The following KCTD8 variants were observed in gnomAD, a reference collection of about 807,000 sequenced individuals.
KCTD8 encodes the protein potassium channel tetramerization domain containing 8, also known as BTB/POZ domain-containing protein KCTD8.
KCTD8 carries 27 observed loss-of-function variants against 31.5 expected under a neutral mutation model. The observed-to-expected ratio is 0.86, with a 90% CI of 0.63 to 1.18. The LOEUF (loss-of-function observed/expected upper bound fraction) is 1.18. KCTD8 is among the 50% of genes most tolerant of loss of function. KCTD8 has a pLI of 0.00. For missense variants in KCTD8, 658 were observed against 647.7 expected (o/e 1.02, Z -0.17); for synonymous variants, 290 against 280.0 (o/e 1.04, Z -0.36).
chr4:44,408,738 C>T (rs1720874017), intron 1 of KCTD8, among the ~76,000 whole-genome samples: 1 of 152,058 alleles, frequency 6.6e-6, no homozygotes, highest in African/African-American at 2.4e-5. Context: ...TCTGCCTCAG[C>T]CTCCCAAGTA....
At chr4:44,269,059 C>T (rs1054797790) in intron 1 of KCTD8, among the ~76,000 whole-genome samples, 14 of 151,994 alleles carry the variant, frequency 9.2e-5, no homozygotes, top group African/African-American at 2.7e-4. Flanking sequence ...TCATATGGAA[C>T]CAAAAAAGAG....
chr4:44,262,490 A>G (rs1210041012), intron 1 of KCTD8, among the ~76,000 whole-genome samples: 1 of 152,116 alleles, frequency 6.6e-6, no homozygotes, highest in Non-Finnish European at 1.5e-5. Context: ...TACTTAAGAT[A>G]GAATATATTC....
chr4:44,290,280 T>C (rs1717231048), intron 1 of KCTD8, among the ~76,000 whole-genome samples: 1 of 152,194 alleles, frequency 6.6e-6, no homozygotes, highest in African/African-American at 2.4e-5. Context: ...CCTGATTATG[T>C]ATGCACCCAA....
At chr4:44,413,754 A>T (rs2109465617) in intron 1 of KCTD8, among the ~76,000 whole-genome samples, 1 of 152,180 alleles carries the variant, frequency 6.6e-6, no homozygotes, top group South Asian at 2.1e-4. Flanking sequence ...GGATTCTGTG[A>T]CTATGTACAA....
chr4:44,254,165 G>A (rs909343395), intron 1 of KCTD8, among the ~76,000 whole-genome samples: 3 of 151,880 alleles, frequency 2.0e-5, no homozygotes, highest in Non-Finnish European at 4.4e-5. Flanking sequence ...GTACAAGAAT[G>A]TGTTCAGAGA....
chr4:44,426,063 A>G (rs763235710), intron 1 of KCTD8, among the ~76,000 whole-genome samples: 9 of 150,812 alleles, frequency 6.0e-5, no homozygotes, highest in Non-Finnish European at 1.2e-4. Context: ...CTACTAGATA[A>G]TGTATACTAA....
At chr4:44,269,607 T>C (rs931846514) in intron 1 of KCTD8, among the ~76,000 whole-genome samples, 4 of 152,022 alleles carry the variant, frequency 2.6e-5, no homozygotes, top group African/African-American at 9.7e-5. Context: ...ACAGGTAACC[T>C]ACAAAATGGG....
In KCTD8 at chr4:44,195,848, T is replaced by C. The variant is rs541476113; in HGVS notation, c.962-20598A>G. ...GTCTTGTTGAAAAGGAGAATATAGATGCTGGTTAATTCTATTGGAAAATAT... is the reference window on the plus strand; with the variant it reads ...GTCTTGTTGAAAAGGAGAATATAGACGCTGGTTAATTCTATTGGAAAATAT... On this transcript the variant is annotated intron_variant, in intron 1 of 1. Coordinates refer to ENST00000360029, the MANE Select transcript of KCTD8 (RefSeq NM_198353.3). Among the ~76,000 whole-genome samples, 6 of 152,276 alleles carry C rather than the reference T, an allele frequency of 3.9e-5. No homozygotes were observed. The East Asian group carries it at 9.7e-4, about 25-fold the overall frequency.
chr4:44,397,209 T>C (rs1421921037), intron 1 of KCTD8, among the ~76,000 whole-genome samples: 3 of 152,124 alleles, frequency 2.0e-5, no homozygotes, highest in African/African-American at 7.2e-5. Context: ...TCTATAAAAA[T>C]GAAAAATACA....
At chr4:44,343,566 G>T (rs1337990234) in intron 1 of KCTD8, among the ~76,000 whole-genome samples, 3 of 152,038 alleles carry the variant, frequency 2.0e-5, no homozygotes, top group Non-Finnish European at 4.4e-5. Flanking sequence ...TCAACACAGG[G>T]TTACCAAAAT....
At position 44,336,808 on chromosome 4, in the gene KCTD8, TAGAG is replaced by T. The variant is rs1436633129; in HGVS notation, c.961+110751_961+110754del. Among the ~76,000 whole-genome samples, 6 of 152,164 alleles carry T rather than the reference TAGAG, an allele frequency of 3.9e-5. No homozygotes were observed. In the East Asian group the frequency reaches 1.2e-3, roughly 29 times the overall value. The stretch of plus-strand genomic sequence containing the variant: ...ATATCTACATACCTTTATTAGGAGA[TAGAG>T]AAATAATTAATTAGTGCTTTGTTTT... On this transcript the variant is annotated intron_variant, in intron 1 of 1. Transcript: ENST00000360029.
At chr4:44,439,726 A>G (rs1046984716) in intron 1 of KCTD8, among the ~76,000 whole-genome samples, 2 of 152,114 alleles carry the variant, frequency 1.3e-5, no homozygotes, top group Non-Finnish European at 2.9e-5. Flanking sequence ...TTTAATTTAC[A>G]TAATAAAGCC....
At chr4:44,358,140 T>C (rs1719393664) in intron 1 of KCTD8, among the ~76,000 whole-genome samples, 1 of 149,654 alleles carries the variant, frequency 6.7e-6, no homozygotes, top group East Asian at 2.1e-4. Context: ...AGTGAGAACA[T>C]GCAGTGTTTG....
At chr4:44,401,535 TA>T (rs1560445982) in intron 1 of KCTD8, among the ~76,000 whole-genome samples, 2 of 152,140 alleles carry the variant, frequency 1.3e-5, no homozygotes, top group African/African-American at 4.8e-5. Flanking sequence ...AGGGTATAAC[TA>T]ATGTTAAAGA....
chr4:44,320,116 G>A (rs1718250706), intron 1 of KCTD8, among the ~76,000 whole-genome samples: 2 of 132,774 alleles, frequency 1.5e-5, no homozygotes, highest in East Asian at 2.4e-4. Flanking sequence ...AGGTTGCAGT[G>A]AGCCAAGATG....
intron 1 of KCTD8, among the ~76,000 whole-genome samples, chr4:44,367,202 G>A (rs902034716): frequency 6.6e-6 from 1 of 152,108 alleles, no homozygotes; most frequent in East Asian, 1.9e-4. Flanking sequence ...GTGTCCTCAG[G>A]AGAACCCCTT....
At chr4:44,358,407 T>C (rs762440193) in intron 1 of KCTD8, among the ~76,000 whole-genome samples, 4 of 152,180 alleles carry the variant, frequency 2.6e-5, no homozygotes, top group Admixed American at 6.5e-5. Flanking sequence ...TTTGGGTATA[T>C]ACCAGTAATG....
chr4:44,338,146 C>A (rs994738107), intron 1 of KCTD8, among the ~76,000 whole-genome samples: 1 of 151,700 alleles, frequency 6.6e-6, no homozygotes, highest in African/African-American at 2.4e-5. Context: ...AAAATGTTAA[C>A]AATAGTAATC....
At chr4:44,375,697 G>A (rs545032175) in intron 1 of KCTD8, among the ~76,000 whole-genome samples, 4 of 152,082 alleles carry the variant, frequency 2.6e-5, no homozygotes, top group Non-Finnish European at 1.5e-5. Flanking sequence ...ATAAAAACTG[G>A]CTTCCTGGTG....
Sources: gnomAD v4.1 joint callset for allele counts (sites outside exome capture counted in the v4.1 genomes callset) on GRCh38, gnomAD v4.1.1 for gene constraint, MANE v1.5 for transcripts, NCBI Gene and HGNC (gene_info 2026-07-23, HGNC 2026-07-21) for gene names.